Variants in DZIP3 observed in about 807,000 individuals in gnomAD.
The protein encoded by DZIP3 is E3 ubiquitin-protein ligase DZIP3.
A neutral mutation model predicts 162.0 loss-of-function variants in DZIP3; 118 were observed. The observed-to-expected ratio is 0.73, with a 90% CI of 0.63 to 0.85. The LOEUF is 0.85. DZIP3 is among the 40% of genes least tolerant of loss of function. The pLI is 0.00. For missense variants in DZIP3, 1,331 were observed against 1,407.0 expected, an observed-to-expected ratio of 0.95 and a Z score of 0.86; for synonymous variants, 438 against 458.6, an observed-to-expected ratio of 0.96 and a Z score of 0.57.
At chr3:108,642,097 A>G (rs1454200) in intron 12 of DZIP3, among the ~76,000 whole-genome samples, 41,092 of 151,900 alleles carry the variant, frequency 0.27, 5,857 homozygotes, top group East Asian at 0.45. Context: ...GGACTTCCAG[A>G]TTTGCTATTT....
rs1292160755 is a variant in DZIP3, at chr3:108,659,141, A to G, written c.2200-2736A>G. Among the ~76,000 whole-genome samples the G allele has an allele frequency of 2.0e-5, 3 of 152,196 alleles. No homozygotes were observed. The East Asian group carries it at 5.8e-4, about 29-fold the overall frequency. On this transcript the variant is annotated intron_variant, in intron 19 of 32. Transcript: ENST00000361582. Reference sequence around the variant, plus strand: ...GAGGGAATCCTCCCTAACTTGTTTTATGAGGCCAGCATCATCCTGATAGCA... The same window carrying G: ...GAGGGAATCCTCCCTAACTTGTTTTGTGAGGCCAGCATCATCCTGATAGCA...
rs1941997418 is a variant in DZIP3 at position 108,633,748 on chromosome 3, CTT to C, written c.816+677_816+678del. On this transcript the variant is annotated intron_variant, in intron 9 of 32. Transcript: ENST00000361582. Reference sequence around the variant, plus strand: ...CTCTCTCTCTGGATCTATCAGAGTACTTCTGATAGATCTCTCTCTCTCTGGAT... The same window carrying C: ...CTCTCTCTCTGGATCTATCAGAGTACCTGATAGATCTCTCTCTCTCTGGAT... Among the ~76,000 whole-genome samples, 12 of 91,422 alleles carry C rather than the reference CTT, an allele frequency of 1.3e-4. No individual in the cohort carries two copies. In the South Asian group the frequency reaches 3.6e-3, roughly 28 times the overall value. 60.0% of individuals were successfully genotyped at this position (91,422 alleles called of 152,430 possible).
intron 18 of DZIP3, among the ~76,000 whole-genome samples, chr3:108,653,083 AT>A (rs1942936876): frequency 6.6e-6 from 1 of 152,042 alleles, no homozygotes; most frequent in East Asian, 1.9e-4. Flanking sequence ...GCCTAGAAAC[AT>A]TTAATTTTTA....
At chr3:108,616,265 A>AAAATAAAT (rs200164808) in intron 4 of DZIP3, among the ~76,000 whole-genome samples, 6,075 of 145,304 alleles carry the variant, frequency 0.042, 200 homozygotes, top group African/African-American at 0.089. Flanking sequence ...CTCCATCTCA[A>AAAATAAAT]AAATAAATAA....
chr3:108,653,071 G>A (rs1181909566), intron 18 of DZIP3, among the ~76,000 whole-genome samples: 1 of 151,782 alleles, frequency 6.6e-6, no homozygotes, highest in African/African-American at 2.4e-5. Context: ...AGTTGTAGGG[G>A]TGCCTAGAAA....
chr3:108,686,742 A>G (rs529412809), intron 28 of DZIP3, among the ~76,000 whole-genome samples, 158 bp downstream of exon 28: 2 of 152,324 alleles, frequency 1.3e-5, no homozygotes, highest in South Asian at 4.1e-4. Context: ...AAATTTACCA[A>G]GAAGAGACAG....
At chr3:108,682,795 G>A (rs1324669208) in intron 26 of DZIP3, among the ~76,000 whole-genome samples, 1 of 150,772 alleles carries the variant, frequency 6.6e-6, no homozygotes, top group Non-Finnish European at 1.5e-5. Context: ...GACAAATGAA[G>A]TGATGAATAT....
chr3:108,594,360 GGTTTTT>G (rs1222045960), intron 1 of DZIP3, among the ~76,000 whole-genome samples: 2 of 149,946 alleles, frequency 1.3e-5, no homozygotes, highest in Non-Finnish European at 3.0e-5. Context: ...AGTACACCTA[GGTTTTT>G]AAAAGTTGAA....
chr3:108,666,697 C>T (rs1387968913), intron 21 of DZIP3, among the ~76,000 whole-genome samples: 3 of 152,094 alleles, frequency 2.0e-5, no homozygotes, highest in Non-Finnish European at 1.5e-5. Context: ...AAAGCATGTT[C>T]TCAGGTCACA....
intron 2 of DZIP3, among the ~76,000 whole-genome samples, 169 bp downstream of exon 2, chr3:108,605,607 G>A (rs1470556057): frequency 6.6e-6 from 1 of 152,122 alleles, no homozygotes; most frequent in East Asian, 1.9e-4. Context: ...TCCTTCACAT[G>A]GGCAGTTCAC....
chr3:108,656,004 A>C (rs925354649), intron 19 of DZIP3, among the ~76,000 whole-genome samples: 1 of 152,162 alleles, frequency 6.6e-6, no homozygotes, highest in African/African-American at 2.4e-5. Context: ...GGGAAGCTCA[A>C]ACTGGGTGGA....
chr3:108,678,027 A>C (rs1015738818), intron 26 of DZIP3, among the ~76,000 whole-genome samples: 2 of 151,882 alleles, frequency 1.3e-5, no homozygotes, highest in African/African-American at 4.8e-5. Context: ...GCTGCTCCCC[A>C]TTGCTCACAT....
At chr3:108,625,066 C>A (rs1941532235) in intron 6 of DZIP3, among the ~76,000 whole-genome samples, 1 of 152,068 alleles carries the variant, frequency 6.6e-6, no homozygotes, top group African/African-American at 2.4e-5. Context: ...GAAAACATTT[C>A]TATTTTAAAT....
intron 3 of DZIP3, 105 bp downstream of exon 3, chr3:108,608,263 TTGAG>T: frequency 1.2e-6 from 1 of 868,472 alleles, no homozygotes; most frequent in Non-Finnish European, 1.8e-6. Flanking sequence ...TTAAAATTTT[TTGAG>T]TGAGCCTACT....
chr3:108,672,677 G>A, intron 23 of DZIP3, 21 bp downstream of exon 23: 1 of 1,590,878 alleles, frequency 6.3e-7, no homozygotes. Flanking sequence ...AACGGGGACA[G>A]GGGTATGGGG....
rs995588187 is a variant in DZIP3, at chr3:108,694,121, A to T, written c.*768A>T. 1 of 152,198 alleles carries T rather than the reference A, an allele frequency of 6.6e-6. No individual in the cohort carries two copies. Among genetic ancestry groups the T allele is most frequent in the Non-Finnish European group, 1.5e-5 (1 of 68,026 alleles). 9.4% of individuals were successfully genotyped at this position (152,198 alleles called of 1,614,324 possible). On this transcript the variant is annotated 3_prime_UTR_variant, in exon 33 of 33. Coordinates refer to ENST00000361582, the MANE Select transcript of DZIP3 (RefSeq NM_014648.4). Reference sequence around the variant, plus strand: ...GAAGAATAAATGTTTCCTGACTCAGAAACAATTTTGCCTCCATATTTCAGT... The same window carrying T: ...GAAGAATAAATGTTTCCTGACTCAGTAACAATTTTGCCTCCATATTTCAGT...
rs1942540217 is a variant in DZIP3, at chr3:108,644,555, C to T, written c.1533C>T (p.Ile511=). The T allele has an allele frequency of 6.2e-7, 1 of 1,613,982 alleles. No homozygotes were observed. The highest frequency in any genetic ancestry group is 1.7e-5 in the Admixed American group (1 of 59,988). ...DILRLCKYRD[I]LLSEILMNGL... ...TGAGACTGTGCAAATACAGGGATAT[C>T]CTCCTTAGTGAGATTTTGATGAATG... Residue 511 remains isoleucine (I), a synonymous_variant, in exon 14 of 33, where the codon ATC becomes ATT. Transcript: ENST00000361582.
At chr3:108,600,507 A>G (rs908071951) in intron 1 of DZIP3, among the ~76,000 whole-genome samples, 3 of 152,194 alleles carry the variant, frequency 2.0e-5, no homozygotes, top group Admixed American at 6.5e-5. Flanking sequence ...GTGTGCACAC[A>G]TTATGTTGTC....
chr3:108,690,684 A>T (rs1482358362), intron 31 of DZIP3, 103 bp from the exon 32 acceptor site: 1 of 1,014,782 alleles, frequency 9.9e-7, no homozygotes, highest in Non-Finnish European at 1.5e-6. Flanking sequence ...GGCTTTAAAG[A>T]TCCACCAGAA....
Sources: allele counts gnomAD v4.1 joint callset (sites outside exome capture counted in the v4.1 genomes callset), GRCh38; gene constraint gnomAD v4.1.1; transcripts MANE v1.5; gene names NCBI Gene and HGNC (gene_info 2026-07-23, HGNC 2026-07-21).